Variants in PDSS2 observed in about 807,000 individuals in gnomAD.
The protein encoded by PDSS2 is decaprenyl diphosphate synthase subunit 2.
In PDSS2, 31 loss-of-function variants were observed where a neutral mutation model predicts 44.5. That is an observed-to-expected ratio of 0.70 (90% CI 0.52 to 0.94). The LOEUF is 0.94. PDSS2 is among the 40% of genes least tolerant of loss of function. The pLI, the probability that PDSS2 is intolerant of heterozygous loss-of-function variation, is 0.00. For synonymous variants in PDSS2, 157 were observed against 180.3 expected (o/e 0.87, Z 1.03); for missense variants, 452 against 482.2 (o/e 0.94, Z 0.59).
At chr6:107,244,890 G>C (rs1774557075) in intron 4 of PDSS2, among the ~76,000 whole-genome samples, 1 of 152,066 alleles carries the variant, frequency 6.6e-6, no homozygotes, top group Non-Finnish European at 1.5e-5. Context: ...TTAAATGATG[G>C]TGATGGTCAA....
intron 7 of PDSS2, among the ~76,000 whole-genome samples, chr6:107,177,856 A>G (rs1771847660): frequency 6.6e-6 from 1 of 152,138 alleles, no homozygotes; most frequent in Non-Finnish European, 1.5e-5. Context: ...GACAAATACT[A>G]AGCTGGTTAT....
At chr6:107,186,663 T>G (rs758700484) in intron 7 of PDSS2, among the ~76,000 whole-genome samples, 7 of 151,950 alleles carry the variant, frequency 4.6e-5, no homozygotes, top group South Asian at 2.1e-4. Flanking sequence ...CCTGTGTCCA[T>G]GTGTTCTCAT....
intron 2 of PDSS2, among the ~76,000 whole-genome samples, chr6:107,305,717 C>CT (rs955281653): frequency 1.1e-4 from 16 of 151,966 alleles, no homozygotes; most frequent in South Asian, 4.2e-4. Flanking sequence ...CTAATGTCTT[C>CT]TTTTTTTTGC....
intron 1 of PDSS2, among the ~76,000 whole-genome samples, chr6:107,429,884 CA>C (rs1163895804): frequency 7.2e-3 from 39 of 5,382 alleles, no homozygotes; most frequent in Non-Finnish European, 0.012. Context: ...AACTTAGTCT[CA>C]AAAAAAAAAA....
chr6:107,437,216 T>C (rs1442972807), intron 1 of PDSS2, among the ~76,000 whole-genome samples: 2 of 152,122 alleles, frequency 1.3e-5, no homozygotes, highest in East Asian at 3.9e-4. Context: ...TCACCCCTTT[T>C]CTCTATTCAA....
intron 2 of PDSS2, among the ~76,000 whole-genome samples, chr6:107,320,573 T>C (rs1056396759): frequency 6.6e-6 from 1 of 152,182 alleles, no homozygotes; most frequent in Non-Finnish European, 1.5e-5. Flanking sequence ...AAAAGGTTCT[T>C]GTGTCAAAGA....
At chr6:107,405,795 C>T (rs1311640243) in intron 1 of PDSS2, among the ~76,000 whole-genome samples, 13 of 147,426 alleles carry the variant, frequency 8.8e-5, no homozygotes, top group South Asian at 2.1e-4. Context: ...TGCAGTGAGC[C>T]GAGATCCCGC....
In PDSS2 at chr6:107,416,851, T is replaced by C. The variant is rs1216566079; in HGVS notation, c.296+42139A>G. Reference sequence around the variant, plus strand: ...GTATTTACCACAGACCTTTATTAGGTAGAAAAACTTAACTGTAGAGAAAAT... The same window carrying C: ...GTATTTACCACAGACCTTTATTAGGCAGAAAAACTTAACTGTAGAGAAAAT... On this transcript the variant is annotated intron_variant, in intron 1 of 7. Coordinates refer to ENST00000369037, the MANE Select transcript of PDSS2 (RefSeq NM_020381.4). 4.0e-5 allele frequency among the ~76,000 whole-genome samples: 6 copies of C among 151,420 alleles called. No individual in the cohort carries two copies. The East Asian group carries it at 9.7e-4, about 24-fold the overall frequency.
At chr6:107,197,140 G>C (rs1772590319) in intron 6 of PDSS2, among the ~76,000 whole-genome samples, 1 of 152,016 alleles carries the variant, frequency 6.6e-6, no homozygotes, top group Non-Finnish European at 1.5e-5. Flanking sequence ...AGTTCTGGGA[G>C]CTGCTCTAGC....
At chr6:107,276,021 G>A (rs1453690888) in intron 2 of PDSS2, among the ~76,000 whole-genome samples, 1 of 149,894 alleles carries the variant, frequency 6.7e-6, no homozygotes, top group Non-Finnish European at 1.5e-5. Flanking sequence ...TTGGGAGGCT[G>A]AGGTGGGACA....
intron 3 of PDSS2, among the ~76,000 whole-genome samples, chr6:107,247,913 G>A (rs961832706): frequency 6.6e-5 from 10 of 150,600 alleles, no homozygotes; most frequent in Middle Eastern, 3.2e-3. Context: ...CAATTACTCC[G>A]GAGGCTGAGG....
rs28372766 is a variant in PDSS2, at chr6:107,154,240, C to T, written c.*379G>A. 34 of 289,218 alleles carry T rather than the reference C, an allele frequency of 1.2e-4. No individual in the cohort carries two copies. The East Asian group carries it at 3.0e-3, about 26-fold the overall frequency. 17.9% of individuals were successfully genotyped at this position (289,218 alleles called of 1,614,324 possible). On this transcript the variant is annotated 3_prime_UTR_variant, in exon 8 of 8. Transcript: ENST00000369037. Reference sequence around the variant, plus strand: ...AGAGCATTTCTCTTGACACCTGCAGCTTCCAACTTGCTTTGTCCTCTCTAG... The same window carrying T: ...AGAGCATTTCTCTTGACACCTGCAGTTTCCAACTTGCTTTGTCCTCTCTAG...
intron 7 of PDSS2, among the ~76,000 whole-genome samples, chr6:107,170,099 GT>G (rs1469848935): frequency 6.6e-6 from 1 of 152,208 alleles, no homozygotes; most frequent in Non-Finnish European, 1.5e-5. Flanking sequence ...AGGCAGGCAG[GT>G]CTCCTTGAGC....
intron 1 of PDSS2, among the ~76,000 whole-genome samples, chr6:107,362,022 T>G (rs1329933355): frequency 6.6e-6 from 1 of 152,232 alleles, no homozygotes; most frequent in Non-Finnish European, 1.5e-5. Context: ...TTTTGAGGAC[T>G]GTTAGTTAAA....
chr6:107,393,552 C>T (rs923251212), intron 1 of PDSS2, among the ~76,000 whole-genome samples: 4 of 151,960 alleles, frequency 2.6e-5, no homozygotes, highest in African/African-American at 9.7e-5. Context: ...CTTCTAAATC[C>T]CTATGAATTT....
chr6:107,201,879 C>T (rs1402402763), intron 6 of PDSS2, among the ~76,000 whole-genome samples: 1 of 152,190 alleles, frequency 6.6e-6, no homozygotes, highest in African/African-American at 2.4e-5. Flanking sequence ...CATTTTCCCT[C>T]CACTTAGATT....
At chr6:107,365,263 T>G (rs1454584926) in intron 1 of PDSS2, among the ~76,000 whole-genome samples, 2 of 152,138 alleles carry the variant, frequency 1.3e-5, no homozygotes, top group Non-Finnish European at 2.9e-5. Context: ...GAGCAAAGTT[T>G]CTGTATTTTG....
chr6:107,237,064 T>C (rs2114762351), intron 4 of PDSS2, among the ~76,000 whole-genome samples: 1 of 152,118 alleles, frequency 6.6e-6, no homozygotes, highest in African/African-American at 2.4e-5. Flanking sequence ...GCCTCCCAAG[T>C]AGTTGGGACT....
intron 1 of PDSS2, among the ~76,000 whole-genome samples, chr6:107,397,666 T>C (rs1167897648): frequency 1.3e-5 from 2 of 152,212 alleles, no homozygotes. Context: ...ATTATGGTCT[T>C]TCAACTTGAA....
Sources: gnomAD v4.1 joint callset for allele counts (sites outside exome capture counted in the v4.1 genomes callset) on GRCh38, gnomAD v4.1.1 for gene constraint, MANE v1.5 for transcripts, NCBI Gene and HGNC (gene_info 2026-07-23, HGNC 2026-07-21) for gene names.